Variants in CENPP observed in about 807,000 individuals in gnomAD.
CENPP encodes the protein centromere protein P.
In CENPP, 24 loss-of-function variants were observed where a neutral mutation model predicts 35.6. That is an observed-to-expected ratio of 0.67 (90% CI 0.49 to 0.95). CENPP has a LOEUF of 0.95. CENPP is among the 40% of genes least tolerant of loss of function. The pLI is 0.00. For synonymous variants in CENPP, 120 were observed against 125.5 expected (o/e 0.96, Z 0.29); for missense variants, 332 against 345.3 (o/e 0.96, Z 0.31).
intron 5 of CENPP, among the ~76,000 whole-genome samples, chr9:92,575,673 A>T (rs1171674462): frequency 6.6e-6 from 1 of 152,162 alleles, no homozygotes; most frequent in East Asian, 1.9e-4. Context: ...TTAGCTGGGC[A>T]TGATGGCGTA....
At chr9:92,580,228 A>G (rs1850387090) in intron 5 of CENPP, among the ~76,000 whole-genome samples, 1 of 152,070 alleles carries the variant, frequency 6.6e-6, no homozygotes, top group Non-Finnish European at 1.5e-5. Flanking sequence ...GGATTTTTGC[A>G]TCAATGTTCA....
intron 5 of CENPP, among the ~76,000 whole-genome samples, chr9:92,552,755 G>A (rs572303814): frequency 1.3e-4 from 20 of 152,188 alleles, no homozygotes; most frequent in African/African-American, 3.9e-4. Context: ...TTTGTCAGAT[G>A]TATAGATTGT....
intron 5 of CENPP, among the ~76,000 whole-genome samples, chr9:92,545,574 CT>C (rs1469725311): frequency 6.6e-6 from 1 of 152,224 alleles, no homozygotes; most frequent in Non-Finnish European, 1.5e-5. Context: ...CCGACGAGCT[CT>C]GCCCCCTGCT....
At chr9:92,532,015 G>GTGTTT in intron 5 of CENPP, among the ~76,000 whole-genome samples, 1 of 95,736 alleles carries the variant, frequency 1.0e-5, no homozygotes, top group South Asian at 3.0e-4. Flanking sequence ...TTTATTTAAT[G>GTGTTT]TTTTTTTTTT....
In CENPP at chr9:92,332,281, T is replaced by G. The variant is rs748853343; in HGVS notation, c.219T>G (p.Leu73=). The change falls in exon 2 of 8, where the codon CTT becomes CTG. Residue 73 remains leucine, a synonymous_variant. Coordinates refer to ENST00000375587, the MANE Select transcript of CENPP (RefSeq NM_001012267.3). ...LESELSFLST[L]TGINIRNHSK... ...CAGAACTTTCATTTCTAAGTACGCTTACTGGCATCAATATAAGAAATCACT... is the reference window on the plus strand; with the variant it reads ...CAGAACTTTCATTTCTAAGTACGCTGACTGGCATCAATATAAGAAATCACT... 6 of 1,612,620 alleles carry G rather than the reference T, an allele frequency of 3.7e-6. No individual in the cohort carries two copies. In the African/African-American group the frequency reaches 6.7e-5, roughly 18 times the overall value.
chr9:92,350,277 C>T (rs1340869123), intron 4 of CENPP, among the ~76,000 whole-genome samples: 1 of 152,138 alleles, frequency 6.6e-6, no homozygotes, highest in East Asian at 1.9e-4. Flanking sequence ...ATCTGTTTTA[C>T]GTTTAGTGAA....
At chr9:92,572,253 T>G (rs1386243477) in intron 5 of CENPP, among the ~76,000 whole-genome samples, 1 of 152,192 alleles carries the variant, frequency 6.6e-6, no homozygotes, top group African/African-American at 2.4e-5. Flanking sequence ...CATTTAGTGC[T>G]TCCTTCAGGA....
chr9:92,361,917 A>G (rs1453094327), intron 4 of CENPP, among the ~76,000 whole-genome samples: 1 of 151,996 alleles, frequency 6.6e-6, no homozygotes, highest in Non-Finnish European at 1.5e-5. Flanking sequence ...TGATCTCATA[A>G]TATCTTACAT....
At chr9:92,588,690 C>G (rs1464800240) in intron 5 of CENPP, among the ~76,000 whole-genome samples, 3 of 152,084 alleles carry the variant, frequency 2.0e-5, no homozygotes, top group African/African-American at 7.2e-5. Flanking sequence ...CTTCCATAAA[C>G]CCATAAGAGA....
At chr9:92,500,134 A>G (rs1441445828) in intron 5 of CENPP, among the ~76,000 whole-genome samples, 2 of 152,194 alleles carry the variant, frequency 1.3e-5, no homozygotes. Context: ...TATTGCTTTG[A>G]AGACTCATTT....
chr9:92,570,916 G>A (rs1408702118), intron 5 of CENPP, among the ~76,000 whole-genome samples: 1 of 152,114 alleles, frequency 6.6e-6, no homozygotes, highest in African/African-American at 2.4e-5. Context: ...TGTGGGATTG[G>A]TGGTGATATC....
chr9:92,434,666 A>T lies in CENPP; in HGVS notation c.564+54807A>T, dbSNP rs553725965. On this transcript the variant is annotated intron_variant, in intron 5 of 7. Transcript: ENST00000375587. Reference sequence around the variant, plus strand: ...TATTGGGAGAAAATCTCATTCAGAAAAGTAAAACTTTAAAAAAAAGAAATT... The same window carrying T: ...TATTGGGAGAAAATCTCATTCAGAATAGTAAAACTTTAAAAAAAAGAAATT... Among the ~76,000 whole-genome samples, 8 of 152,312 alleles carry T rather than the reference A, an allele frequency of 5.3e-5. No homozygotes were observed. In the South Asian group the frequency reaches 1.7e-3, roughly 32 times the overall value.
chr9:92,598,905 C>T (rs1349899376), intron 5 of CENPP, among the ~76,000 whole-genome samples: 1 of 151,758 alleles, frequency 6.6e-6, no homozygotes, highest in Non-Finnish European at 1.5e-5. Context: ...CTCAGGAGTT[C>T]GAGATCAGCC....
intron 5 of CENPP, among the ~76,000 whole-genome samples, chr9:92,425,285 G>A (rs1843934720): frequency 6.6e-6 from 1 of 152,144 alleles, no homozygotes; most frequent in Non-Finnish European, 1.5e-5. Context: ...CTCCAAAGGT[G>A]TATCTTCAAT....
intron 4 of CENPP, among the ~76,000 whole-genome samples, chr9:92,370,177 G>A (rs1841976501): frequency 6.6e-6 from 1 of 152,058 alleles, no homozygotes; most frequent in South Asian, 2.1e-4. Context: ...TCTGATCATG[G>A]TATATTATCT....
chr9:92,338,711 A>G (rs1841011698), intron 3 of CENPP, among the ~76,000 whole-genome samples: 1 of 151,818 alleles, frequency 6.6e-6, no homozygotes, highest in Non-Finnish European at 1.5e-5. Context: ...TATCTCACCT[A>G]TTTTGTGTGG....
In CENPP at chr9:92,567,367, A is replaced by AAGAT. The variant is rs1179852469; in HGVS notation, c.565-43941_565-43938dup. ...ACATTTATGGGGTATACAGTTACATAAGATAGATATATATATATATATATA... is the reference window on the plus strand; with the variant it reads ...ACATTTATGGGGTATACAGTTACATAAGATAGATAGATATATATATATATATATA... On this transcript the variant is annotated intron_variant, in intron 5 of 7. Transcript: ENST00000375587. 2.8e-4 allele frequency among the ~76,000 whole-genome samples: 29 copies of AAGAT among 103,704 alleles called. 1 individual carries two copies. Among genetic ancestry groups the AAGAT allele is most frequent in the South Asian group, 8.5e-4 (2 of 2,352 alleles). The allele number at this position is 103,704 out of a possible 152,430, so 68.0% of individuals were successfully genotyped here. A position where few individuals can be genotyped will look rare whatever the true frequency, so the allele number is the denominator to read the frequency against.
At chr9:92,554,383 A>G (rs1384919985) in intron 5 of CENPP, among the ~76,000 whole-genome samples, 1 of 151,996 alleles carries the variant, frequency 6.6e-6, no homozygotes, top group African/African-American at 2.4e-5. Context: ...GGGTTTCACC[A>G]TTTTGGTCAG....
chr9:92,545,976 G>GCACCAGTCAGCACCTTGTGT (rs1849434156), intron 5 of CENPP, among the ~76,000 whole-genome samples: 1 of 151,840 alleles, frequency 6.6e-6, no homozygotes, highest in Non-Finnish European at 1.5e-5. Flanking sequence ...GTTTGTAAAT[G>GCACCAGTCAGCACCTTGTGT]CACCAGTCAG....
Sources: gnomAD v4.1 joint callset for allele counts (sites outside exome capture counted in the v4.1 genomes callset) on GRCh38, gnomAD v4.1.1 for gene constraint, MANE v1.5 for transcripts, NCBI Gene and HGNC (gene_info 2026-07-23, HGNC 2026-07-21) for gene names.